ZNF280C: variants seen among roughly 807,000 people sequenced by gnomAD.
The protein encoded by ZNF280C is suppressor of hairy wing homolog 3.
In ZNF280C, 14 loss-of-function variants were observed where a neutral mutation model predicts 53.6. The ratio of observed to expected loss-of-function variants is 0.26; its 90% CI spans 0.17 to 0.41. The LOEUF is 0.41. Among genes scored for constraint, ZNF280C ranks in the 10% least tolerant of loss-of-function variants. The probability of loss-of-function intolerance (pLI) is 1.00; values close to 1 mark genes in which losing one functional copy is unlikely to be tolerated. For synonymous variants in ZNF280C, 203 were observed against 181.1 expected (o/e 1.12, Z -0.97); for missense variants, 416 against 547.1 (o/e 0.76, Z 2.39).
At chrX:130,242,645 T>C (rs1379947992) in intron 5 of ZNF280C, among the ~76,000 whole-genome samples, 1 of 112,043 alleles carries the variant, frequency 8.9e-6, no homozygotes, top group Non-Finnish European at 1.9e-5. Context: ...GTTTAAGCAA[T>C]TCTCCTGCCT....
At chrX:130,213,842 C>A (rs1351592443) in intron 15 of ZNF280C, among the ~76,000 whole-genome samples, 1 of 112,462 alleles carries the variant, frequency 8.9e-6, no homozygotes, top group African/African-American at 3.2e-5. Flanking sequence ...TCCCTGCAAG[C>A]CAGGTGCTGA....
chrX:130,228,838 T>C, intron 10 of ZNF280C, 139 bp downstream of exon 10: 1 of 604,096 alleles, frequency 1.7e-6, no homozygotes, highest in Non-Finnish European at 2.5e-6. Context: ...TTATAAAAGT[T>C]ATGATTTTTT....
intron 1 of ZNF280C, among the ~76,000 whole-genome samples, chrX:130,263,428 T>C (rs1161095070): frequency 8.9e-6 from 1 of 112,148 alleles, no homozygotes; most frequent in Admixed American, 9.4e-5. Flanking sequence ...CTTGAGAACA[T>C]TATACTAAGT....
At chrX:130,251,840 G>A (rs1256466468) in intron 2 of ZNF280C, among the ~76,000 whole-genome samples, 1 of 110,327 alleles carries the variant, frequency 9.1e-6, no homozygotes, top group African/African-American at 3.3e-5. Flanking sequence ...GGAGCCAGGC[G>A]TAGAGGCTCA....
At chrX:130,256,148 T>C (rs1211674227) in intron 2 of ZNF280C, among the ~76,000 whole-genome samples, 1 of 110,362 alleles carries the variant, frequency 9.1e-6, no homozygotes, top group African/African-American at 3.3e-5. Context: ...AAAATAAGAA[T>C]AAGAATAAAG....
At chrX:130,251,527 A>G (rs517129) in intron 2 of ZNF280C, among the ~76,000 whole-genome samples, 54,202 of 108,930 alleles carry the variant, frequency 0.5, 10,733 homozygotes, top group African/African-American at 0.72. Context: ...CCAGGAGACC[A>G]GCCAATCTTC....
intron 1 of ZNF280C, among the ~76,000 whole-genome samples, chrX:130,267,699 G>A (rs1209054633): frequency 1.8e-5 from 2 of 112,046 alleles, no homozygotes; most frequent in Non-Finnish European, 3.8e-5. Flanking sequence ...AAGTTTCTGC[G>A]TAAGGAGATT....
intron 13 of ZNF280C, 95 bp downstream of exon 13, chrX:130,220,254 C>T: frequency 1.2e-6 from 1 of 832,037 alleles, no homozygotes; most frequent in South Asian, 4.3e-5. Flanking sequence ...CTTTCTAACA[C>T]TAGATCTTAT....
intron 8 of ZNF280C, among the ~76,000 whole-genome samples, chrX:130,231,750 G>C (rs1010890833): frequency 9.0e-6 from 1 of 111,485 alleles, no homozygotes; most frequent in Non-Finnish European, 1.9e-5. Context: ...GCTTAGGCTG[G>C]GTGTGGTGGC....
intron 2 of ZNF280C, among the ~76,000 whole-genome samples, chrX:130,250,044 C>G (rs1371110273): frequency 9.0e-6 from 1 of 111,227 alleles, no homozygotes; most frequent in Non-Finnish European, 1.9e-5. Context: ...ATAGAACAAG[C>G]GGAGGAAAGA....
intron 2 of ZNF280C, among the ~76,000 whole-genome samples, chrX:130,256,567 C>T (rs1188434281): frequency 6.8e-5 from 7 of 103,647 alleles, no homozygotes; most frequent in African/African-American, 1.8e-4. Context: ...CCAGTCTGGG[C>T]GACTGGGAGA....
chrX:130,267,095 C>T (rs1424836150), intron 1 of ZNF280C, among the ~76,000 whole-genome samples: 2 of 101,522 alleles, frequency 2.0e-5, no homozygotes, highest in Non-Finnish European at 2.0e-5. Flanking sequence ...TGCGAGACTC[C>T]GTCTCAAAAA....
intron 2 of ZNF280C, among the ~76,000 whole-genome samples, chrX:130,258,528 CCAAA>C (rs1569440985): frequency 8.9e-6 from 1 of 111,962 alleles, no homozygotes; most frequent in Non-Finnish European, 1.9e-5. Context: ...AGTCTGCCTA[CCAAA>C]CAAAGAAACC....
intron 10 of ZNF280C, among the ~76,000 whole-genome samples, chrX:130,228,156 C>G (rs1332693435): frequency 1.8e-5 from 2 of 112,359 alleles, no homozygotes; most frequent in Non-Finnish European, 3.8e-5. Flanking sequence ...AAGTGTAAAT[C>G]AAGACAATTA....
At chrX:130,245,915 G>T (rs1352084846) in intron 3 of ZNF280C, among the ~76,000 whole-genome samples, 2 of 110,060 alleles carry the variant, frequency 1.8e-5, no homozygotes, top group Non-Finnish European at 3.8e-5. Flanking sequence ...CTCCTGAGTA[G>T]CTGGGACTAC....
chrX:130,244,197 T>C (rs770172940), intron 3 of ZNF280C, among the ~76,000 whole-genome samples: 1 of 111,887 alleles, frequency 8.9e-6, no homozygotes, highest in East Asian at 2.8e-4. Flanking sequence ...AGTATCTGAT[T>C]AGACTAAATT....
rs1272275012 is a variant in ZNF280C at position 130,246,871 on chromosome X, G to A, written c.166C>T (p.Pro56Ser). 1 of 1,205,118 alleles carries A rather than the reference G, an allele frequency of 8.3e-7. No individual in the cohort carries two copies. The highest frequency in any genetic ancestry group is 1.1e-6 in the Non-Finnish European group (1 of 894,105). Residue 56 changes from proline to serine, a missense_variant, in exon 3 of 19, where the codon CCA (proline) becomes TCA (serine). Physicochemically the swap from Pro to Ser is moderately conservative, Grantham distance 74. Transcript: ENST00000370978. ...IFVGEISSSK[P>S]AISNILNRGH... ...AGTAAATGCTTACTTGAAATGGCTG[G>A]TTTTGAACTTGATATCTCTCCAACA...
intron 3 of ZNF280C, among the ~76,000 whole-genome samples, chrX:130,245,934 G>A (rs1474318720): frequency 2.7e-5 from 3 of 110,312 alleles, no homozygotes; most frequent in South Asian, 3.9e-4. Context: ...ACAGGCACGC[G>A]CCACCATGAC....
rs1356422469 is a variant in ZNF280C at position 130,245,823 on chromosome X, T to C, written c.178+1036A>G. Among the ~76,000 whole-genome samples the C allele has an allele frequency of 2.7e-5, 3 of 110,167 alleles. No individual in the cohort carries two copies. The East Asian group carries it at 8.4e-4, about 31-fold the overall frequency. On this transcript the variant is annotated intron_variant, in intron 3 of 18. Coordinates refer to ENST00000370978, the MANE Select transcript of ZNF280C (RefSeq NM_017666.5). ...TTTTTTGAGATATAGTCTTGCTCTGTTGCCTAGACTGGAGTGCAGTGACGT... is the reference window on the plus strand; with the variant it reads ...TTTTTTGAGATATAGTCTTGCTCTGCTGCCTAGACTGGAGTGCAGTGACGT...
Sources: allele counts gnomAD v4.1 joint callset (sites outside exome capture counted in the v4.1 genomes callset), GRCh38; gene constraint gnomAD v4.1.1; transcripts MANE v1.5; gene names NCBI Gene and HGNC (gene_info 2026-07-23, HGNC 2026-07-21).